The following FOXP2 variants were observed in gnomAD, a reference collection of about 807,000 sequenced individuals.
FOXP2 encodes the protein forkhead box protein P2.
In FOXP2, 12 loss-of-function variants were observed where a neutral mutation model predicts 115.8. The ratio of observed to expected loss-of-function variants is 0.10; its 90% confidence interval spans 0.07 to 0.17. The LOEUF (loss-of-function observed/expected upper bound fraction) is 0.17, where lower values mean the gene tolerates loss of function less well. Among genes scored for constraint, FOXP2 ranks in the 10% least tolerant of loss-of-function variants. The probability of loss-of-function intolerance (pLI) is 1.00; values close to 1 mark genes in which losing one functional copy is unlikely to be tolerated. For missense variants in FOXP2, 629 were observed against 843.5 expected, an observed-to-expected ratio of 0.75 and a Z score of 3.15; for synonymous variants, 328 against 297.7, an observed-to-expected ratio of 1.10 and a Z score of -1.05.
chr7:114,161,535 T>C (rs1481159410), upstream of FOXP2, among the ~76,000 whole-genome samples: 2 of 37,746 alleles, frequency 5.3e-5, no homozygotes, highest in Admixed American at 5.4e-4. Context: ...TTTCTCACAA[T>C]AGTTTTTTTT....
intron 2 of FOXP2, among the ~76,000 whole-genome samples, chr7:114,355,407 C>A (rs1048405003): frequency 6.6e-6 from 1 of 152,016 alleles, no homozygotes; most frequent in African/African-American, 2.4e-5. Context: ...TATGCAGTAA[C>A]CATATCTGTG....
chr7:114,361,677 T>A (rs1354624320), intron 2 of FOXP2, among the ~76,000 whole-genome samples: 1 of 152,120 alleles, frequency 6.6e-6, no homozygotes, highest in Non-Finnish European at 1.5e-5. Flanking sequence ...TTACCTTTGA[T>A]AACATCTCAA....
intron 2 of FOXP2, among the ~76,000 whole-genome samples, chr7:114,294,781 C>CA (rs1796695820): frequency 6.6e-6 from 1 of 151,962 alleles, no homozygotes; most frequent in Non-Finnish European, 1.5e-5. Flanking sequence ...GCGGAGGTTG[C>CA]AGTGAGCTGG....
chr7:114,147,500 G>A (rs1206325014), intron 1 of FOXP2, among the ~76,000 whole-genome samples: 2 of 152,092 alleles, frequency 1.3e-5, no homozygotes, highest in Non-Finnish European at 2.9e-5. Context: ...ATCACCCCCA[G>A]AGAAGCAAGC....
rs75482897 is a variant in FOXP2, at chr7:114,143,416, G to T, written c.-246-19528G>T. 3.3e-5 allele frequency among the ~76,000 whole-genome samples: 5 copies of T among 152,096 alleles called. No individual in the cohort carries two copies. In the East Asian group the frequency reaches 9.7e-4, roughly 29 times the overall value. On this transcript the variant is annotated intron_variant, in intron 1 of 19. Coordinates refer to the FOXP2 transcript ENST00000635638. ...AAATGGAATATAAATTAGCATATTA[G>T]TTAGGATGGGATAGGTTATTCTGTA...
rs142822131 is a variant in FOXP2, at chr7:114,112,803, G to A, written c.-247+24965G>A. On this transcript the variant is annotated intron_variant, in intron 1 of 19. Coordinates refer to the FOXP2 transcript ENST00000635638. ...CATTTGAAAGGAGTTAAGAGAACTT[G>A]TGGGTATGCAGATTTAGCCATTTTC... Among the ~76,000 whole-genome samples the A allele has an allele frequency of 3.2e-4, 49 of 152,228 alleles. 1 individual carries two copies. The East Asian group carries it at 8.3e-3, about 26-fold the overall frequency.
intron 2 of FOXP2, among the ~76,000 whole-genome samples, chr7:114,298,500 G>A (rs577042345): frequency 1.1e-4 from 17 of 152,232 alleles, no homozygotes; most frequent in African/African-American, 3.9e-4. Flanking sequence ...ATTCTTCTCA[G>A]TTATCCACCA....
chr7:114,251,000 C>G (rs879793072), intron 1 of FOXP2, among the ~76,000 whole-genome samples: 1 of 152,200 alleles, frequency 6.6e-6, no homozygotes, highest in Non-Finnish European at 1.5e-5. Flanking sequence ...GATCCAGTTT[C>G]AGCTTTCTAC....
intron 1 of FOXP2, among the ~76,000 whole-genome samples, chr7:114,111,708 T>TCCTCC (rs1791271226): frequency 6.6e-6 from 1 of 152,004 alleles, no homozygotes; most frequent in Non-Finnish European, 1.5e-5. Flanking sequence ...AAACAGGATT[T>TCCTCC]AAAAAAATAT....
intron 2 of FOXP2, among the ~76,000 whole-genome samples, chr7:114,372,338 G>T (rs1028556011): frequency 6.6e-6 from 1 of 152,160 alleles, no homozygotes. Flanking sequence ...TTTTTTCATA[G>T]ATAGGGTAAC....
At chr7:114,672,646 A>G (rs1807552286) in intron 16 of FOXP2, among the ~76,000 whole-genome samples, 2 of 152,128 alleles carry the variant, frequency 1.3e-5, no homozygotes, top group African/African-American at 4.8e-5. Context: ...CTAATAGAGT[A>G]TATAACTAAG....
upstream of FOXP2, among the ~76,000 whole-genome samples, chr7:114,162,658 A>G (rs1792874608): frequency 6.6e-6 from 1 of 152,132 alleles, no homozygotes; most frequent in Admixed American, 6.6e-5. Flanking sequence ...CTTTTAAAAA[A>G]TACATTTGAG....
At chr7:114,656,127 A>G (rs974254765) in intron 10 of FOXP2, among the ~76,000 whole-genome samples, 2 of 152,194 alleles carry the variant, frequency 1.3e-5, no homozygotes, top group Non-Finnish European at 2.9e-5. Flanking sequence ...AGTGGTTTGC[A>G]TTGAAAAAGA....
chr7:114,113,743 A>T (rs1207670916), intron 1 of FOXP2, among the ~76,000 whole-genome samples: 1 of 151,998 alleles, frequency 6.6e-6, no homozygotes, highest in Non-Finnish European at 1.5e-5. Flanking sequence ...GACCCAAGTG[A>T]TCCTCCTGCC....
chr7:114,613,474 A>C (rs1473665302), intron 3 of FOXP2, among the ~76,000 whole-genome samples: 1 of 151,924 alleles, frequency 6.6e-6, no homozygotes. Flanking sequence ...AGGAGATTGA[A>C]ACCATCCTGG....
At chr7:114,151,902 A>C (rs900641302) in intron 1 of FOXP2, among the ~76,000 whole-genome samples, 1 of 152,106 alleles carries the variant, frequency 6.6e-6, no homozygotes, top group Non-Finnish European at 1.5e-5. Context: ...GAAGGGAAAA[A>C]GTAGCCTCTT....
At chr7:114,237,475 T>C (rs1197059862) in intron 1 of FOXP2, among the ~76,000 whole-genome samples, 1 of 152,184 alleles carries the variant, frequency 6.6e-6, no homozygotes, top group Non-Finnish European at 1.5e-5. Context: ...TGCATTGTAA[T>C]ATACAATGGC....
At chr7:114,648,709 A>T (rs1167393910) in intron 8 of FOXP2, among the ~76,000 whole-genome samples, 1 of 152,206 alleles carries the variant, frequency 6.6e-6, no homozygotes. Context: ...TATCTAGTTG[A>T]TACTACCTAC....
chr7:114,547,253 A>G (rs1373271334), intron 3 of FOXP2, among the ~76,000 whole-genome samples: 1 of 152,082 alleles, frequency 6.6e-6, no homozygotes, highest in African/African-American at 2.4e-5. Flanking sequence ...CTTTATCTAA[A>G]TATTTTCTTC....
Sources: gnomAD v4.1 joint callset for allele counts (sites outside exome capture counted in the v4.1 genomes callset) on GRCh38, gnomAD v4.1.1 for gene constraint, MANE v1.5 for transcripts, NCBI Gene and HGNC (gene_info 2026-07-23, HGNC 2026-07-21) for gene names.